The following ADAM19 variants were observed in gnomAD, a reference collection of about 807,000 sequenced individuals.
The protein encoded by ADAM19 is ADAM metallopeptidase domain 19, also known as disintegrin and metalloproteinase domain-containing protein 19.
Under a neutral mutation model 114.7 loss-of-function variants are expected in ADAM19, and 65 were observed. The observed-to-expected ratio is 0.57, with a 90% CI of 0.46 to 0.70. The LOEUF is 0.70. ADAM19 is among the 30% of genes least tolerant of loss of function. The pLI is 0.00. For synonymous variants in ADAM19, 466 were observed against 460.5 expected (o/e 1.01, Z -0.15); for missense variants, 1,063 against 1,204.7 (o/e 0.88, Z 1.74).
At chr5:157,490,210 A>T (rs1405374269) in intron 19 of ADAM19, 100 bp downstream of exon 19, 3 of 1,387,092 alleles carry the variant, frequency 2.2e-6, no homozygotes, top group South Asian at 1.3e-5. Flanking sequence ...GTCTTCCCTG[A>T]ATTAGACCCA....
chr5:157,568,374 T>C (rs1757727427), intron 2 of ADAM19: 1 of 152,192 alleles, frequency 6.6e-6, no homozygotes, highest in South Asian at 2.1e-4. Flanking sequence ...TGTTCCCTTT[T>C]TCTATGGGGC....
intron 7 of ADAM19, among the ~76,000 whole-genome samples, chr5:157,514,639 T>C (rs903785915): frequency 2.6e-5 from 4 of 152,190 alleles, no homozygotes; most frequent in Non-Finnish European, 4.4e-5. Flanking sequence ...AATCAGACAT[T>C]TCTAACCAAG....
At position 157,497,078 on chromosome 5, in the gene ADAM19, A is replaced by C; in HGVS notation, c.1410T>G (p.Pro470=). 1.3e-6 allele frequency: 2 copies of C among 1,524,204 alleles called. No homozygotes were observed. The highest frequency in any genetic ancestry group is 1.8e-6 in the Non-Finnish European group (2 of 1,142,672). 94.4% of individuals were successfully genotyped at this position (1,524,204 alleles called of 1,614,324 possible). Residue 470 remains proline, a synonymous_variant, in exon 14 of 23, where the codon CCT becomes CCG. Coordinates refer to ENST00000257527, the MANE Select transcript of ADAM19 (RefSeq NM_033274.5). Reference sequence around the variant, plus strand: ...TGGCCTGCTCGCGGCACAGGGTCCCAGGAGCCAACAGCTGAGCCAAGGAAT... The same window carrying C: ...TGGCCTGCTCGCGGCACAGGGTCCCCGGAGCCAACAGCTGAGCCAAGGAAT... ...SCCHQCKLLA[P]GTLCREQARQ...
At chr5:157,497,590 C>CACACACACACACACACACACAT (rs372261868) in intron 13 of ADAM19, among the ~76,000 whole-genome samples, 1 of 151,358 alleles carries the variant, frequency 6.6e-6, no homozygotes, top group Non-Finnish European at 1.5e-5. Flanking sequence ...CACACACACA[C>CACACACACACACACACACACAT]ACACACACAA....
chr5:157,497,590 C>CACACACACAT (rs372261868), intron 13 of ADAM19, among the ~76,000 whole-genome samples: 2,703 of 151,434 alleles, frequency 0.018, 35 homozygotes, highest in Non-Finnish European at 0.021. Context: ...CACACACACA[C>CACACACACAT]ACACACACAA....
chr5:157,539,357 G>C (rs1366928285), intron 3 of ADAM19, among the ~76,000 whole-genome samples: 1 of 152,158 alleles, frequency 6.6e-6, no homozygotes, highest in Non-Finnish European at 1.5e-5. Context: ...GCTGAGGCCA[G>C]CACAGAAAGC....
intron 3 of ADAM19, among the ~76,000 whole-genome samples, chr5:157,554,785 C>T (rs1047621558): frequency 1.3e-5 from 2 of 152,142 alleles, no homozygotes; most frequent in African/African-American, 4.8e-5. Flanking sequence ...TTATTGAATT[C>T]CACACACATC....
chr5:157,499,408 T>C (rs759233885), intron 13 of ADAM19, among the ~76,000 whole-genome samples, 165 bp downstream of exon 13: 3 of 152,074 alleles, frequency 2.0e-5, no homozygotes, highest in Non-Finnish European at 4.4e-5. Flanking sequence ...AGTATAGGAA[T>C]AGTAAATTTT....
intron 7 of ADAM19, among the ~76,000 whole-genome samples, chr5:157,516,169 G>A (rs535973432): frequency 1.3e-5 from 2 of 152,092 alleles, no homozygotes; most frequent in Non-Finnish European, 2.9e-5. Flanking sequence ...GGGATGATTC[G>A]TGAGCCTGTG....
intron 3 of ADAM19, among the ~76,000 whole-genome samples, chr5:157,563,966 G>T (rs1256271718): frequency 6.6e-6 from 1 of 152,172 alleles, no homozygotes; most frequent in Non-Finnish European, 1.5e-5. Context: ...CCAAGCCCCA[G>T]CACACCCTGC....
chr5:157,531,375 T>G (rs1185579604), intron 4 of ADAM19, among the ~76,000 whole-genome samples: 1 of 152,154 alleles, frequency 6.6e-6, no homozygotes, highest in East Asian at 1.9e-4. Context: ...ATTAAGGTGA[T>G]GTCATGCTGG....
chr5:157,496,159 T>G (rs987770621), intron 14 of ADAM19, among the ~76,000 whole-genome samples: 3 of 152,068 alleles, frequency 2.0e-5, no homozygotes, highest in African/African-American at 7.3e-5. Context: ...GAAAGCATAT[T>G]TTATTTGCTG....
chr5:157,513,371 T>G, intron 8 of ADAM19, 63 bp downstream of exon 8: 1 of 1,512,214 alleles, frequency 6.6e-7, no homozygotes, highest in Non-Finnish European at 9.2e-7. Context: ...AGAAGGCAGC[T>G]CCAGTGCCCT....
chr5:157,575,227 G>A (rs1288874221), intron 1 of ADAM19, among the ~76,000 whole-genome samples: 2 of 152,206 alleles, frequency 1.3e-5, no homozygotes, highest in South Asian at 2.1e-4. Flanking sequence ...TGCAGCGGGC[G>A]GTAGAGAGAA....
intron 12 of ADAM19, among the ~76,000 whole-genome samples, chr5:157,501,273 A>G (rs1397310497): frequency 6.6e-6 from 1 of 152,032 alleles, no homozygotes; most frequent in East Asian, 1.9e-4. Context: ...GTGCCTCACT[A>G]ACTCCTAATG....
In ADAM19 at chr5:157,528,913, C is replaced by T. The variant is rs1461114707; in HGVS notation, c.407+1894G>A. ...TAGGGTATGGGCATTAGGAAGACAC[C>T]CAATTTCTATTTGTGAATGAAAAAT... On this transcript the variant is annotated intron_variant, in intron 5 of 22. Coordinates refer to ENST00000257527, the MANE Select transcript of ADAM19 (RefSeq NM_033274.5). Among the ~76,000 whole-genome samples the T allele has an allele frequency of 2.6e-5, 4 of 151,954 alleles. No homozygotes were observed. In the East Asian group the frequency reaches 7.7e-4, roughly 29 times the overall value.
At chr5:157,565,989 G>C (rs1757649425) in intron 2 of ADAM19, 1 of 148,896 alleles carries the variant, frequency 6.7e-6, no homozygotes, top group Admixed American at 6.8e-5. Context: ...CACACCTATA[G>C]TTCTAGCTAT....
chr5:157,497,135 C>T (rs767197504), intron 13 of ADAM19, 46 bp from the exon 14 acceptor site: 5 of 1,437,668 alleles, frequency 3.5e-6, no homozygotes, highest in South Asian at 3.1e-5. Context: ...TCCTCCCCAC[C>T]CTCAACCCTG....
intron 21 of ADAM19, among the ~76,000 whole-genome samples, chr5:157,482,525 T>C (rs1436390364): frequency 6.6e-6 from 1 of 152,246 alleles, no homozygotes; most frequent in Non-Finnish European, 1.5e-5. Flanking sequence ...TCTAGGGTTT[T>C]TATGGTTTTA....
Sources: gnomAD v4.1 joint callset for allele counts (sites outside exome capture counted in the v4.1 genomes callset) on GRCh38, gnomAD v4.1.1 for gene constraint, MANE v1.5 for transcripts, NCBI Gene and HGNC (gene_info 2026-07-23, HGNC 2026-07-21) for gene names.